The following NLRP5 variants were observed in gnomAD, a reference collection of about 807,000 sequenced individuals.
NLRP5 encodes the protein NLR family pyrin domain containing 5.
In NLRP5, 93 loss-of-function variants were observed where a neutral mutation model predicts 113.1. The ratio of observed to expected loss-of-function variants is 0.82; its 90% CI spans 0.70 to 0.98. The LOEUF (loss-of-function observed/expected upper bound fraction) is 0.98, where lower values mean the gene tolerates loss of function less well. Among genes scored for constraint, NLRP5 ranks in the 50% least tolerant of loss-of-function variants. The probability of loss-of-function intolerance (pLI) is 0.00; values close to 1 mark genes in which losing one functional copy is unlikely to be tolerated. For missense variants in NLRP5, 1,808 were observed against 1,514.3 expected (o/e 1.19, Z -3.22); for synonymous variants, 751 against 600.7 (o/e 1.25, Z -3.66).
chr19:56,054,497 G>A (rs1415468579), intron 13 of NLRP5, among the ~76,000 whole-genome samples: 1 of 150,890 alleles, frequency 6.6e-6, no homozygotes, highest in Non-Finnish European at 1.5e-5. Context: ...GGTGGAGGTT[G>A]CAGTGAGCCG....
In NLRP5 at chr19:56,027,772, AGGCGTGGTCC is replaced by A; in HGVS notation, c.1544_1553del (p.Val515AlafsTer11). 6.2e-7 allele frequency: 1 copy of A among 1,613,946 alleles called. No homozygotes were observed. Among genetic ancestry groups the A allele is most frequent in the Non-Finnish European group, 8.5e-7 (1 of 1,179,878 alleles). ...TTGTGTTTCATCAGCTCACCCCTCGAGGCGTGGTCCGGCGCTGTCTCAATCTGGAGGAAAG... is the reference window on the plus strand; with the variant it reads ...TTGTGTTTCATCAGCTCACCCCTCGAGGCGCTGTCTCAATCTGGAGGAAAG... On this transcript the variant is annotated frameshift_variant, in exon 7 of 15. Coordinates refer to ENST00000390649, the MANE Select transcript of NLRP5 (RefSeq NM_153447.4). LOFTEE classifies it high-confidence loss of function.
intron 14 of NLRP5, 147 bp from the exon 15 acceptor site, chr19:56,061,249 T>G: frequency 1.5e-6 from 1 of 681,688 alleles, no homozygotes; most frequent in Non-Finnish European, 2.3e-6. Flanking sequence ...CAATAATTTG[T>G]TAGTCATTGG....
chr19:56,041,046 C>G lies in NLRP5; in HGVS notation c.2911C>G (p.Leu971Val). The G allele has an allele frequency of 1.2e-6, 2 of 1,613,976 alleles. No individual in the cohort carries two copies. Among genetic ancestry groups the G allele is most frequent in the Non-Finnish European group, 1.7e-6 (2 of 1,179,856 alleles). ...CCTGGGGAACGAAGGTGTAAATCTA[C>G]TGTGTCGATCCATGAGGCTTCCCCA... Residue 971 changes from leucine to valine, a missense_variant, in exon 11 of 15, where the codon CTG becomes GTG. Transcript: ENST00000390649.
At chr19:56,048,641 T>G (rs1280034462) in intron 11 of NLRP5, among the ~76,000 whole-genome samples, 1 of 152,178 alleles carries the variant, frequency 6.6e-6, no homozygotes, top group Non-Finnish European at 1.5e-5. Context: ...GTCTCACAGT[T>G]CTTAAGATTC....
At chr19:55,995,056 G>GT (rs1191368359), upstream of NLRP5, among the ~76,000 whole-genome samples, 1 of 152,122 alleles carries the variant, frequency 6.6e-6, no homozygotes, top group African/African-American at 2.4e-5. Flanking sequence ...CATGCTCTTT[G>GT]TAGGGACATG....
chr19:56,055,823 G>A (rs367658729), intron 13 of NLRP5, among the ~76,000 whole-genome samples: 8 of 152,044 alleles, frequency 5.3e-5, no homozygotes, highest in African/African-American at 1.7e-4. Flanking sequence ...GGGATTACAG[G>A]CATAAGCCAC....
intron 7 of NLRP5, among the ~76,000 whole-genome samples, chr19:56,029,600 C>T (rs1983013615): frequency 6.6e-6 from 1 of 152,134 alleles, no homozygotes; most frequent in Admixed American, 6.6e-5. Flanking sequence ...ATAGCTGATG[C>T]TTGCTGAATA....
In NLRP5 at chr19:56,027,042, T is replaced by G; in HGVS notation, c.809T>G (p.Phe270Cys). ...GAAATGCAAACGTTGGCTGGTGCTT[T>G]TGATTCAGACCGGTGGGGCTTCCGG... The change falls in exon 7 of 15, where the codon TTT becomes TGT. Residue 270 changes from phenylalanine to cysteine, a missense_variant. Coordinates refer to ENST00000390649, the MANE Select transcript of NLRP5 (RefSeq NM_153447.4). The G allele has an allele frequency of 6.4e-7, 1 of 1,553,192 alleles. No individual in the cohort carries two copies. The highest frequency in any genetic ancestry group is 8.7e-7 in the Non-Finnish European group (1 of 1,147,918).
chr19:56,033,149 G>A (rs1983187424), intron 8 of NLRP5, among the ~76,000 whole-genome samples: 1 of 152,196 alleles, frequency 6.6e-6, no homozygotes, highest in Non-Finnish European at 1.5e-5. Context: ...TACTTGGGAG[G>A]CTGAGGCAGG....
chr19:56,015,791 A>AT lies in NLRP5; in HGVS notation c.558_559insT (p.Glu187Ter). On this transcript the variant is annotated frameshift_variant, in exon 4 of 15. Coordinates refer to ENST00000390649, the MANE Select transcript of NLRP5 (RefSeq NM_153447.4). LOFTEE classifies it high-confidence loss of function. ...ATAGTGCCACAGCTGCAGAGACAAAAGAACAAGGTGAATGAAATAGATCTA... is the reference window on the plus strand; with the variant it reads ...ATAGTGCCACAGCTGCAGAGACAAAATGAACAAGGTGAATGAAATAGATCTA... 6.4e-7 allele frequency: 1 copy of AT among 1,568,714 alleles called. No individual in the cohort carries two copies. Among genetic ancestry groups the AT allele is most frequent in the Non-Finnish European group, 8.7e-7 (1 of 1,155,626 alleles).
chr19:56,009,062 G>C (rs1982069933), intron 3 of NLRP5, among the ~76,000 whole-genome samples: 1 of 152,054 alleles, frequency 6.6e-6, no homozygotes, highest in South Asian at 2.1e-4. Flanking sequence ...CCTGGGGCCA[G>C]GTCTAGTGGC....
the NLRP5 span, among the ~76,000 whole-genome samples, chr19:55,993,896 CAGTT>C: frequency 3.3e-5 from 5 of 151,560 alleles, no homozygotes; most frequent in Admixed American, 2.0e-4. Flanking sequence ...TGTTGATGGA[CAGTT>C]AGGTAGATTA....
At chr19:56,014,149 CTTGA>C (rs1982316604) in intron 3 of NLRP5, among the ~76,000 whole-genome samples, 1 of 152,022 alleles carries the variant, frequency 6.6e-6, no homozygotes, top group African/African-American at 2.4e-5. Flanking sequence ...AATTTATTTC[CTTGA>C]TTGTTTGTGC....
chr19:56,025,650 T>C (rs1007589657), intron 6 of NLRP5, among the ~76,000 whole-genome samples: 1 of 151,970 alleles, frequency 6.6e-6, no homozygotes, highest in Non-Finnish European at 1.5e-5. Flanking sequence ...GACCTTGTGA[T>C]CCACATGCCT....
chr19:56,050,532 C>A lies in NLRP5; in HGVS notation c.3072C>A (p.Gly1024=), dbSNP rs750778706. 6.2e-7 allele frequency: 1 copy of A among 1,613,914 alleles called. No individual in the cohort carries two copies. Among genetic ancestry groups the A allele is most frequent in the South Asian group, 1.1e-5 (1 of 91,070 alleles). ...GCATGAACCCTGTGGAAGACAATGG[C>A]GTGAAGCTTCTGTGCGAGGTCATGA... Residue 1024 remains glycine, a synonymous_variant, in exon 12 of 15, where the codon GGC becomes GGA. Coordinates refer to ENST00000390649, the MANE Select transcript of NLRP5 (RefSeq NM_153447.4).
chr19:55,991,988 A>G, the NLRP5 span, among the ~76,000 whole-genome samples: 4 of 152,216 alleles, frequency 2.6e-5, no homozygotes, highest in Non-Finnish European at 5.9e-5. Flanking sequence ...CCCAGTACCC[A>G]GTCGTTATTT....
intron 2 of NLRP5, among the ~76,000 whole-genome samples, chr19:56,005,888 C>G (rs1981891409): frequency 6.6e-6 from 1 of 152,184 alleles, no homozygotes; most frequent in African/African-American, 2.4e-5. Flanking sequence ...AATGGGTTCC[C>G]TATGGCTGAA....
intron 6 of NLRP5, among the ~76,000 whole-genome samples, chr19:56,022,661 T>C (rs1456484711): frequency 6.6e-6 from 1 of 152,030 alleles, no homozygotes; most frequent in African/African-American, 2.4e-5. Flanking sequence ...CAACCTTTTT[T>C]TCTTGTTATC....
upstream of NLRP5, among the ~76,000 whole-genome samples, chr19:55,998,711 T>C (rs1465144344): frequency 3.6e-4 from 7 of 19,518 alleles, no homozygotes; most frequent in African/African-American, 1.2e-3. Flanking sequence ...TATGTGTGTG[T>C]GTGTATATAT....
Sources: allele counts gnomAD v4.1 joint callset (sites outside exome capture counted in the v4.1 genomes callset), GRCh38; gene constraint gnomAD v4.1.1; transcripts MANE v1.5; gene names NCBI Gene and HGNC (gene_info 2026-07-23, HGNC 2026-07-21).